VSIG10: variants seen among roughly 807,000 people sequenced by gnomAD.
VSIG10 encodes V-set and immunoglobulin domain containing 10.
A neutral mutation model predicts 58.7 loss-of-function variants in VSIG10; 48 were observed. That is an observed-to-expected ratio of 0.82 (90% confidence interval 0.65 to 1.04). The LOEUF (loss-of-function observed/expected upper bound fraction) is 1.04. VSIG10 is among the 50% of genes least tolerant of loss of function. VSIG10 has a pLI of 0.00. For missense variants in VSIG10, 628 were observed against 670.0 expected (o/e 0.94, Z 0.69); for synonymous variants, 260 against 267.1 (o/e 0.97, Z 0.26).
At chr12:118,082,079 C>T in intron 3 of VSIG10, 48 bp downstream of exon 3, 3 of 1,500,374 alleles carry the variant, frequency 2.0e-6, no homozygotes, top group Non-Finnish European at 2.7e-6. Flanking sequence ...CATAAGTTCA[C>T]AAAGGGTTAA....
At chr12:118,085,760 G>T (rs1427769183) in intron 2 of VSIG10, among the ~76,000 whole-genome samples, 1 of 151,716 alleles carries the variant, frequency 6.6e-6, no homozygotes, top group East Asian at 1.9e-4. Context: ...TACTTGGGAG[G>T]CTGAGGCAGG....
chr12:118,068,709 A>G lies in VSIG10; in HGVS notation c.1347-112T>C, dbSNP rs983914565. ...TGCAACCCCATTAGTAATATGGAAAATTACAGCTTGGTGAAGTAATGAGGT... is the reference window on the plus strand; with the variant it reads ...TGCAACCCCATTAGTAATATGGAAAGTTACAGCTTGGTGAAGTAATGAGGT... On this transcript the variant is annotated intron_variant, in intron 7 of 8. Coordinates refer to ENST00000359236, the MANE Select transcript of VSIG10 (RefSeq NM_019086.6). 35 of 1,321,260 alleles carry G rather than the reference A, an allele frequency of 2.6e-5. No homozygotes were observed. In the African/African-American group the frequency reaches 4.9e-4, roughly 19 times the overall value. The allele number at this position is 1,321,260 out of a possible 1,614,324, so 81.8% of individuals were successfully genotyped here.
chr12:118,080,366 G>T (rs1197678777), intron 3 of VSIG10, among the ~76,000 whole-genome samples: 1 of 150,434 alleles, frequency 6.6e-6, no homozygotes. Context: ...TTGCCATGTT[G>T]CCCAGGATGG....
At chr12:118,098,321 C>A in intron 1 of VSIG10, among the ~76,000 whole-genome samples, 1 of 123,958 alleles carries the variant, frequency 8.1e-6, no homozygotes, top group African/African-American at 3.2e-5. Flanking sequence ...CTCTCTCCGC[C>A]TCTCCCTCTC....
At chr12:118,068,023 CTTTT>C (rs371999216) in intron 8 of VSIG10, among the ~76,000 whole-genome samples, 5 of 85,498 alleles carry the variant, frequency 5.8e-5, no homozygotes, top group East Asian at 7.2e-4. Context: ...GGTTTGTGGG[CTTTT>C]TTTTTTTTTT....
rs767709728 is a variant in VSIG10, at chr12:118,079,556, A to G, written c.715T>C (p.Phe239Leu). 6.2e-7 allele frequency: 1 copy of G among 1,614,004 alleles called. No homozygotes were observed. The highest frequency in any genetic ancestry group is 1.1e-5 in the South Asian group (1 of 91,082). Residue 239 changes from phenylalanine to leucine, a missense_variant, in exon 4 of 9, where the codon TTC becomes CTC. Transcript: ENST00000359236. ...QCWAQMASGSFMLQLTCRWDG... is the reference protein window; with the variant it reads ...QCWAQMASGSLMLQLTCRWDG... The stretch of plus-strand genomic sequence containing the variant: ...CAGCGACAGGTAAGCTGCAACATGA[A>G]CGATCCTGATGCCATCTGTGCCCAG...
chr12:118,089,301 C>G (rs1458101455), intron 2 of VSIG10, among the ~76,000 whole-genome samples: 1 of 152,152 alleles, frequency 6.6e-6, no homozygotes, highest in Non-Finnish European at 1.5e-5. Flanking sequence ...TGCAACAAGA[C>G]CTTGCCTTTA....
intron 3 of VSIG10, among the ~76,000 whole-genome samples, chr12:118,080,913 T>C (rs974007663): frequency 6.6e-6 from 1 of 152,072 alleles, no homozygotes; most frequent in African/African-American, 2.4e-5. Flanking sequence ...ACAGGGTTAT[T>C]TGGGATGACA....
rs144125627 is a variant in VSIG10, at chr12:118,081,971, C to T, written c.664+156G>A. Among the ~76,000 whole-genome samples the T allele has an allele frequency of 5.1e-3, 739 of 146,220 alleles. 11 individuals carry two copies. The highest frequency in any genetic ancestry group is 0.018 in the African/African-American group (708 of 39,150). ...GGTGGAGATTGCGGCGAGGTGAGAT[C>T]GCAACTTTGCACTCCAGCCTGGGCA... On this transcript the variant is annotated intron_variant, in intron 3 of 8. Coordinates refer to ENST00000359236, the MANE Select transcript of VSIG10 (RefSeq NM_019086.6).
chr12:118,088,882 C>T (rs2033210904), intron 2 of VSIG10, among the ~76,000 whole-genome samples: 1 of 152,066 alleles, frequency 6.6e-6, no homozygotes, highest in Admixed American at 6.6e-5. Context: ...CTAAGACATG[C>T]ACAGGACTTC....
chr12:118,083,070 G>C (rs570496378), intron 2 of VSIG10, among the ~76,000 whole-genome samples: 2 of 130,938 alleles, frequency 1.5e-5, no homozygotes, highest in Admixed American at 9.0e-5. Flanking sequence ...CCGATATTGC[G>C]CCACTGCACT....
In VSIG10 at chr12:118,079,422, C is replaced by T. The variant is rs1048910257; in HGVS notation, c.849G>A (p.Ser283=). The T allele has an allele frequency of 6.2e-6, 10 of 1,613,980 alleles. No homozygotes were observed. The highest frequency in any genetic ancestry group is 3.3e-5 in the Admixed American group (2 of 60,006). Residue 283 remains serine, a synonymous_variant, in exon 4 of 9, where the codon TCG becomes TCA. Coordinates refer to ENST00000359236, the MANE Select transcript of VSIG10 (RefSeq NM_019086.6). Reference sequence around the variant, plus strand: ...TAACACACTTGAACTTCTTGCCATCCGACAGCTGGGACTCGCTCAGCATTT... The same window carrying T: ...TAACACACTTGAACTTCTTGCCATCTGACAGCTGGGACTCGCTCAGCATTT... ...GVEMLSESQL[S]DGKKFKCVTS... is the part of the protein sequence containing the mutation.
Position 118,073,693 on chromosome 12 carries a change from AC to A in VSIG10, c.1219+5del. On this transcript the variant is annotated splice_donor_5th_base_variant and intron_variant, in intron 5 of 8. Transcript: ENST00000359236. Reference sequence around the variant, plus strand: ...TCCCTCCTTCAGGCCCAGTTCCACCACTCACCTTTCACACTCAGCCAGATTT... The same window carrying A: ...TCCCTCCTTCAGGCCCAGTTCCACCATCACCTTTCACACTCAGCCAGATTT... 1 of 1,599,384 alleles carries A rather than the reference AC, an allele frequency of 6.3e-7. No individual in the cohort carries two copies. The highest frequency in any genetic ancestry group is 2.2e-5 in the East Asian group (1 of 44,480).
chr12:118,071,192 G>T, intron 6 of VSIG10, 125 bp from the exon 7 acceptor site: 3 of 1,243,594 alleles, frequency 2.4e-6, no homozygotes, highest in Non-Finnish European at 2.3e-6. Context: ...ACAGGTGATA[G>T]GGTGTCCCGG....
At chr12:118,099,527 T>C (rs1489976770) in intron 1 of VSIG10, among the ~76,000 whole-genome samples, 1 of 152,040 alleles carries the variant, frequency 6.6e-6, no homozygotes, top group Non-Finnish European at 1.5e-5. Context: ...TGCAACCCAT[T>C]TTGCTGAGAA....
chr12:118,103,443 G>T, intron 1 of VSIG10, 150 bp downstream of exon 1: 1 of 759,702 alleles, frequency 1.3e-6, no homozygotes, highest in Non-Finnish European at 1.9e-6. Flanking sequence ...GCCGAGCTGC[G>T]AGCAGGAAAC....
intron 5 of VSIG10, among the ~76,000 whole-genome samples, chr12:118,072,559 A>G (rs1245496741): frequency 1.3e-5 from 2 of 151,398 alleles, no homozygotes; most frequent in Non-Finnish European, 3.0e-5. Flanking sequence ...AAAAGGGAGA[A>G]GGGAAGGGAA....
intron 2 of VSIG10, among the ~76,000 whole-genome samples, chr12:118,088,072 C>T (rs1189045627): frequency 2.0e-5 from 3 of 151,642 alleles, no homozygotes; most frequent in African/African-American, 4.8e-5. Context: ...GGTGAAACCC[C>T]GTCTCTACTA....
rs61943494 is a variant in VSIG10, at chr12:118,096,596, C to A, written c.80-782G>T. On this transcript the variant is annotated intron_variant, in intron 1 of 8. Coordinates refer to ENST00000359236, the MANE Select transcript of VSIG10 (RefSeq NM_019086.6). ...TCCGTCTCAAAAAAAAAAAAAAAAG[C>A]ACAAAAAATTAGCTGGGCATGTAGT... Among the ~76,000 whole-genome samples, 28 of 144,578 alleles carry A rather than the reference C, an allele frequency of 1.9e-4. 3 individuals carry two copies. The highest frequency in any genetic ancestry group is 4.3e-4 in the South Asian group (2 of 4,642). The allele number at this position is 144,578 out of a possible 152,430, so 94.8% of individuals were successfully genotyped here.
Sources: allele counts gnomAD v4.1 joint callset (sites outside exome capture counted in the v4.1 genomes callset), GRCh38; gene constraint gnomAD v4.1.1; transcripts MANE v1.5; gene names NCBI Gene and HGNC (gene_info 2026-07-23, HGNC 2026-07-21).